CTNNA3: variants seen among roughly 807,000 people sequenced by gnomAD.
CTNNA3 encodes catenin alpha-3.
A neutral mutation model predicts 95.7 loss-of-function variants in CTNNA3; 76 were observed. That is an observed-to-expected ratio of 0.79 (90% CI 0.66 to 0.96). The LOEUF (loss-of-function observed/expected upper bound fraction) is 0.96, where lower values mean the gene tolerates loss of function less well. Among genes scored for constraint, CTNNA3 ranks in the 40% least tolerant of loss-of-function variants. CTNNA3 has a pLI of 0.00. For synonymous variants in CTNNA3, 431 were observed against 374.4 expected, an observed-to-expected ratio of 1.15 and a Z score of -1.74; for missense variants, 1,191 against 1,089.8, an observed-to-expected ratio of 1.09 and a Z score of -1.31.
chr10:67,412,199 TACA>T (rs1845392537), intron 5 of CTNNA3, among the ~76,000 whole-genome samples: 1 of 152,158 alleles, frequency 6.6e-6, no homozygotes, highest in South Asian at 2.1e-4. Flanking sequence ...AAATTTATAT[TACA>T]ACACTTTTCT....
intron 11 of CTNNA3, among the ~76,000 whole-genome samples, chr10:66,391,675 T>C (rs976878524): frequency 2.6e-5 from 4 of 152,162 alleles, no homozygotes; most frequent in African/African-American, 9.6e-5. Flanking sequence ...TATAGCTTCA[T>C]TGCTCTGTAG....
intron 5 of CTNNA3, among the ~76,000 whole-genome samples, chr10:67,414,112 G>T (rs1286585926): frequency 6.6e-6 from 1 of 151,998 alleles, no homozygotes; most frequent in Non-Finnish European, 1.5e-5. Flanking sequence ...AAATTGAGAT[G>T]CAATAAACCA....
chr10:66,592,746 G>A (rs76366957), intron 10 of CTNNA3, among the ~76,000 whole-genome samples: 2,165 of 152,208 alleles, frequency 0.014, 52 homozygotes, highest in African/African-American at 0.05. Flanking sequence ...AATTGATACA[G>A]AAAGCAATAG....
In CTNNA3 at chr10:65,972,111, C is replaced by G. The variant is rs1398674903; in HGVS notation, c.2266-5365G>C. 4.6e-5 allele frequency among the ~76,000 whole-genome samples: 7 copies of G among 152,088 alleles called. No individual in the cohort carries two copies. The East Asian group carries it at 1.4e-3, about 29-fold the overall frequency. On this transcript the variant is annotated intron_variant, in intron 16 of 17. Coordinates refer to ENST00000433211, the MANE Select transcript of CTNNA3 (RefSeq NM_013266.4). ...AAAGCTTTTGATAAAATACAACATC[C>G]CTTCATGATAAAAACCTTCAAGAAA... is the stretch of plus-strand genomic sequence containing the variant.
chr10:66,526,550 G>T (rs946370288), intron 10 of CTNNA3, among the ~76,000 whole-genome samples: 1 of 152,062 alleles, frequency 6.6e-6, no homozygotes, highest in Non-Finnish European at 1.5e-5. Context: ...GCACCATTTT[G>T]TATTCATATC....
intron 7 of CTNNA3, among the ~76,000 whole-genome samples, chr10:67,169,190 A>G (rs1861909958): frequency 6.6e-6 from 1 of 152,258 alleles, no homozygotes; most frequent in Admixed American, 6.5e-5. Flanking sequence ...AAGAATCAGT[A>G]TCATTAAAAT....
intron 7 of CTNNA3, among the ~76,000 whole-genome samples, chr10:66,963,876 C>T (rs1232932438): frequency 2.0e-5 from 3 of 149,480 alleles, no homozygotes; most frequent in Non-Finnish European, 4.4e-5. Context: ...TGGAGTCTTG[C>T]TCTGTTGCCA....
At chr10:66,415,065 C>T (rs1008904325) in intron 11 of CTNNA3, among the ~76,000 whole-genome samples, 24 of 152,106 alleles carry the variant, frequency 1.6e-4, no homozygotes, top group African/African-American at 5.8e-4. Context: ...CCTCAACCCC[C>T]ACTGGCAGGG....
chr10:65,935,070 C>G (rs1443408305), intron 17 of CTNNA3, among the ~76,000 whole-genome samples: 2 of 152,030 alleles, frequency 1.3e-5, no homozygotes, highest in Non-Finnish European at 2.9e-5. Context: ...CATGTACAAG[C>G]CAGTGCAATT....
chr10:65,989,629 C>T (rs186154599), intron 15 of CTNNA3, among the ~76,000 whole-genome samples: 51 of 151,898 alleles, frequency 3.4e-4, no homozygotes, highest in Admixed American at 8.5e-4. Context: ...TATTATTTTG[C>T]TATTTGTACA....
intron 7 of CTNNA3, among the ~76,000 whole-genome samples, chr10:67,012,705 C>T (rs899469977): frequency 5.9e-5 from 9 of 152,004 alleles, no homozygotes; most frequent in South Asian, 2.1e-4. Flanking sequence ...AATGTAATCA[C>T]GTCTTTGATG....
intron 11 of CTNNA3, among the ~76,000 whole-genome samples, chr10:66,400,577 T>C (rs2093012690): frequency 6.6e-6 from 1 of 152,078 alleles, no homozygotes; most frequent in Non-Finnish European, 1.5e-5. Context: ...GTGGCAGCTC[T>C]ATTTCCACCT....
chr10:67,637,486 A>C (rs576158290), intron 2 of CTNNA3, among the ~76,000 whole-genome samples: 10 of 152,230 alleles, frequency 6.6e-5, no homozygotes, highest in Non-Finnish European at 1.5e-5. Flanking sequence ...AAGGCAGGCC[A>C]ACATTCAAAT....
At chr10:66,652,675 G>A (rs1397301308) in intron 9 of CTNNA3, among the ~76,000 whole-genome samples, 1 of 151,910 alleles carries the variant, frequency 6.6e-6, no homozygotes, top group Admixed American at 6.6e-5. Flanking sequence ...ATCCATAAAA[G>A]GACACTACAA....
At chr10:66,357,023 T>A (rs1006008027) in intron 12 of CTNNA3, among the ~76,000 whole-genome samples, 5 of 152,086 alleles carry the variant, frequency 3.3e-5, no homozygotes, top group African/African-American at 1.2e-4. Context: ...TTGTTGCAGG[T>A]TTTTGCATCT....
intron 1 of CTNNA3, among the ~76,000 whole-genome samples, chr10:67,719,998 T>A (rs1371646756): frequency 1.3e-5 from 2 of 152,024 alleles, no homozygotes; most frequent in Non-Finnish European, 2.9e-5. Context: ...GTTGTTTGCA[T>A]ATACATTCGG....
intron 7 of CTNNA3, among the ~76,000 whole-genome samples, chr10:66,946,364 G>A (rs889995708): frequency 2.6e-5 from 4 of 152,126 alleles, no homozygotes; most frequent in African/African-American, 9.7e-5. Context: ...ATATGTGAGA[G>A]ACATTTGTAT....
intron 13 of CTNNA3, among the ~76,000 whole-genome samples, chr10:66,272,433 G>T (rs939511931): frequency 2.6e-5 from 4 of 152,130 alleles, no homozygotes; most frequent in African/African-American, 9.7e-5. Flanking sequence ...AAAGCATGAA[G>T]GGGAGAAGCG....
intron 3 of CTNNA3, among the ~76,000 whole-genome samples, chr10:67,554,935 GGT>G (rs1321902098): frequency 6.6e-6 from 1 of 152,154 alleles, no homozygotes; most frequent in African/African-American, 2.4e-5. Flanking sequence ...TTTTGTATAA[GGT>G]GTAAGGAAGG....
Sources: allele counts gnomAD v4.1 joint callset (sites outside exome capture counted in the v4.1 genomes callset), GRCh38; gene constraint gnomAD v4.1.1; transcripts MANE v1.5; gene names NCBI Gene and HGNC (gene_info 2026-07-23, HGNC 2026-07-21).